SCIMP: variants seen among roughly 807,000 people sequenced by gnomAD.
The protein encoded by SCIMP is SLP adaptor and CSK interacting membrane protein.
A neutral mutation model predicts 22.0 loss-of-function variants in SCIMP; 18 were observed. The observed-to-expected ratio is 0.82, with a 90% CI of 0.56 to 1.21. SCIMP has a LOEUF of 1.21. SCIMP is among the 50% of genes most tolerant of loss of function. The pLI, the probability that SCIMP is intolerant of heterozygous loss-of-function variation, is 0.00. For synonymous variants in SCIMP, 53 were observed against 62.2 expected, an observed-to-expected ratio of 0.85 and a Z score of 0.70; for missense variants, 155 against 171.2, an observed-to-expected ratio of 0.91 and a Z score of 0.53.
intron 3 of SCIMP, among the ~76,000 whole-genome samples, chr17:5,217,856 A>T (rs1035895878): frequency 6.6e-6 from 1 of 152,002 alleles, no homozygotes; most frequent in African/African-American, 2.4e-5. Flanking sequence ...TATTGTGAAT[A>T]GTGCTGCTAT....
At chr17:5,231,907 T>A (rs1020048383) in intron 1 of SCIMP, among the ~76,000 whole-genome samples, 74 of 152,078 alleles carry the variant, frequency 4.9e-4, no homozygotes, top group Non-Finnish European at 6.3e-4. Context: ...ATACAAAAAA[T>A]TAGCCAGGCA....
chr17:5,216,671 CAAA>C (rs947721122), intron 3 of SCIMP, among the ~76,000 whole-genome samples: 9 of 151,230 alleles, frequency 6.0e-5, no homozygotes, highest in Admixed American at 1.3e-4. Flanking sequence ...ATCTCAAAAA[CAAA>C]AAAACAAAAA....
intron 1 of SCIMP, among the ~76,000 whole-genome samples, chr17:5,229,756 T>C (rs746248583): frequency 6.6e-6 from 1 of 151,984 alleles, no homozygotes; most frequent in Non-Finnish European, 1.5e-5. Flanking sequence ...GTGATAGTTA[T>C]TCACGTATTC....
intron 1 of SCIMP, among the ~76,000 whole-genome samples, chr17:5,229,950 T>C (rs1235076675): frequency 6.6e-6 from 1 of 151,314 alleles, no homozygotes; most frequent in Non-Finnish European, 1.5e-5. Flanking sequence ...TCCTTTCTTC[T>C]CTCCTCTCCT....
chr17:5,217,404 G>GTC (rs1474281342), intron 3 of SCIMP, among the ~76,000 whole-genome samples: 2,538 of 151,596 alleles, frequency 0.017, 91 homozygotes, highest in African/African-American at 0.057. Context: ...GTGTGTGTGT[G>GTC]TGTGTGTTTG....
chr17:5,210,994 A>T, intron 4 of SCIMP, 39 bp from the exon 5 acceptor site: 1 of 1,572,212 alleles, frequency 6.4e-7, no homozygotes, highest in Non-Finnish European at 8.6e-7. Flanking sequence ...CAAAGCTGTC[A>T]TGTGTTTTTA....
At chr17:5,219,253 A>G (rs992706126) in intron 3 of SCIMP, among the ~76,000 whole-genome samples, 1 of 151,922 alleles carries the variant, frequency 6.6e-6, no homozygotes, top group Non-Finnish European at 1.5e-5. Flanking sequence ...TGGGAGGCAG[A>G]CGTTGTGGTG....
intron 3 of SCIMP, among the ~76,000 whole-genome samples, chr17:5,219,575 C>T (rs2074590723): frequency 6.6e-6 from 1 of 152,034 alleles, no homozygotes; most frequent in African/African-American, 2.4e-5. Flanking sequence ...TTGCAGGGAG[C>T]CGAAATCACG....
chr17:5,220,542 G>T (rs1156791873), intron 3 of SCIMP, among the ~76,000 whole-genome samples: 4 of 151,400 alleles, frequency 2.6e-5, no homozygotes, highest in Non-Finnish European at 5.9e-5. Flanking sequence ...TTTGAGATCA[G>T]CCTGGCTAAC....
Position 5,220,508 on chromosome 17 carries a change from G to A in SCIMP, c.209+779C>T, listed in dbSNP as rs1208424188. 4.6e-5 allele frequency among the ~76,000 whole-genome samples: 7 copies of A among 151,906 alleles called. No homozygotes were observed. The East Asian group carries it at 1.4e-3, about 29-fold the overall frequency. ...AATCCCAGCACTTTGGGAGGCCAAG[G>A]CGGGTGGATCACAAGGTCAGGAGTT... On this transcript the variant is annotated intron_variant, in intron 3 of 4. Transcript: ENST00000574081.
chr17:5,224,946 TG>T (rs2144333087), intron 1 of SCIMP, among the ~76,000 whole-genome samples: 1 of 152,156 alleles, frequency 6.6e-6, no homozygotes, highest in South Asian at 2.1e-4. Context: ...AACAGGCATT[TG>T]GGGGCTGGAA....
intron 1 of SCIMP, chr17:5,223,707 G>A (rs543514162): frequency 1.5e-4 from 61 of 402,558 alleles, no homozygotes; most frequent in South Asian, 1.2e-3. Flanking sequence ...CTGCCACCAC[G>A]CCTGGCTAAT....
intron 3 of SCIMP, chr17:5,220,940 C>G (rs188136606): frequency 1.5e-4 from 54 of 370,586 alleles, no homozygotes; most frequent in Non-Finnish European, 5.2e-6. Context: ...TGCCTGTAAT[C>G]CCAGCTACTT....
intron 3 of SCIMP, among the ~76,000 whole-genome samples, chr17:5,218,164 T>C (rs1027219054): frequency 6.6e-6 from 1 of 151,796 alleles, no homozygotes; most frequent in African/African-American, 2.4e-5. Flanking sequence ...TAGCTGGGAC[T>C]ACAGGCAGAC....
Position 5,234,812 on chromosome 17 carries a change from G to A in SCIMP, c.-57C>T. 1.9e-6 allele frequency: 3 copies of A among 1,583,190 alleles called. No individual in the cohort carries two copies. The South Asian group carries it at 3.5e-5, about 18-fold the overall frequency. ...GAGTGCTGCAGCTCAGGCACAGCTG[G>A]TGAGAGGCATTCCTCACTCACAGGC... On this transcript the variant is annotated 5_prime_UTR_variant, in exon 1 of 5. Coordinates refer to ENST00000574081, the MANE Select transcript of SCIMP (RefSeq NM_207103.3).
intron 1 of SCIMP, chr17:5,234,496 GA>G: frequency 7.0e-6 from 4 of 570,444 alleles, no homozygotes; most frequent in Admixed American, 3.1e-5. Context: ...TACACATGAG[GA>G]AAAGGCCCAG....
rs747978306 is a variant in SCIMP at position 5,210,796 on chromosome 17, C to T, written c.*5G>A. On this transcript the variant is annotated 3_prime_UTR_variant, in exon 5 of 5. Coordinates refer to ENST00000574081, the MANE Select transcript of SCIMP (RefSeq NM_207103.3). ...CAGTTTTGCCAAAAAGAAGAAATGG[C>T]TGTTTCAAAATGATGCTTTTTCAGT... 1.2e-6 allele frequency: 2 copies of T among 1,602,550 alleles called. No homozygotes were observed. The highest frequency in any genetic ancestry group is 1.7e-6 in the Non-Finnish European group (2 of 1,177,174).
intron 1 of SCIMP, among the ~76,000 whole-genome samples, chr17:5,229,201 G>A (rs1049119980): frequency 6.6e-6 from 1 of 152,048 alleles, no homozygotes; most frequent in African/African-American, 2.4e-5. Flanking sequence ...GTTCTGGGTG[G>A]TTTCAGTGGA....
chr17:5,226,532 T>G (rs2074650416), intron 1 of SCIMP, among the ~76,000 whole-genome samples: 1 of 149,794 alleles, frequency 6.7e-6, no homozygotes, highest in Admixed American at 6.7e-5. Context: ...TGAGATGAAG[T>G]CTCGCTCTTG....
Sources: allele counts gnomAD v4.1 joint callset (sites outside exome capture counted in the v4.1 genomes callset), GRCh38; gene constraint gnomAD v4.1.1; transcripts MANE v1.5; gene names NCBI Gene and HGNC (gene_info 2026-07-23, HGNC 2026-07-21).